Variants in CEP295 observed in about 807,000 individuals in gnomAD.
CEP295 encodes the protein centrosomal protein of 295 kDa.
In CEP295, 190 loss-of-function variants were observed where a neutral mutation model predicts 291.6. The observed-to-expected ratio is 0.65, with a 90% CI of 0.58 to 0.73. CEP295 has a LOEUF of 0.73. Ranked by LOEUF, CEP295 falls within the 30% of genes least tolerant of loss-of-function variation. The pLI, the probability that CEP295 is intolerant of heterozygous loss-of-function variation, is 0.00. For missense variants in CEP295, 2,863 were observed against 2,949.4 expected (o/e 0.97, Z 0.68); for synonymous variants, 993 against 1,038.8 (o/e 0.96, Z 0.85).
intron 10 of CEP295, among the ~76,000 whole-genome samples, chr11:93,689,497 GTATT>G (rs1951411011): frequency 1.3e-5 from 2 of 152,032 alleles, no homozygotes; most frequent in Admixed American, 1.3e-4. Flanking sequence ...TTTTTCTTGG[GTATT>G]TCCTTGACTC....
chr11:93,729,974 G>A lies in CEP295; in HGVS notation c.7667+5G>A, dbSNP rs1248543429. The A allele has an allele frequency of 2.7e-6, 4 of 1,495,188 alleles. No homozygotes were observed. The highest frequency in any genetic ancestry group is 3.6e-6 in the Non-Finnish European group (4 of 1,120,004). 92.6% of individuals were successfully genotyped at this position (1,495,188 alleles called of 1,614,324 possible). ...AAGGCACCAAAGGGGTCTAAGGTAG[G>A]GTTAATTTTTTTTTTTTTTTTAGTG... On this transcript the variant is annotated splice_donor_5th_base_variant and intron_variant, in intron 28 of 29. Coordinates refer to ENST00000325212, the MANE Select transcript of CEP295 (RefSeq NM_033395.2).
Position 93,729,622 on chromosome 11 carries a change from C to T in CEP295, c.7408C>T (p.Arg2470Cys), listed in dbSNP as rs201958352. 77 of 1,550,202 alleles carry T rather than the reference C, an allele frequency of 5.0e-5. No homozygotes were observed. In the Admixed American group the frequency reaches 9.5e-4, roughly 19 times the overall value. The part of the protein sequence containing the change: ...KPRTASTETP[R>C]RLTPVPGSLQ... ...TTCTTTTCCCCCAGCAGAAACCCCT[C>T]GCAGGCTTACACCTGTACCAGGGAG... is the stretch of plus-strand genomic sequence containing the variant. The change falls in exon 27 of 30, where the codon CGC becomes TGC. Residue 2470 changes from arginine to cysteine, a missense_variant. Coordinates refer to ENST00000325212, the MANE Select transcript of CEP295 (RefSeq NM_033395.2).
chr11:93,697,995 G>A lies in CEP295; in HGVS notation c.3083G>A (p.Gly1028Glu). 2.6e-6 allele frequency: 4 copies of A among 1,551,680 alleles called. No individual in the cohort carries two copies. The highest frequency in any genetic ancestry group is 3.5e-6 in the Non-Finnish European group (4 of 1,146,974). The change falls in exon 15 of 30, where the codon GGA (glycine) becomes GAA (glutamate). Residue 1028 changes from glycine to glutamate, a missense_variant. Transcript: ENST00000325212. Reference protein sequence around the residue: ...QEQHSSKSEKGLVSCQSDIPI... With the variant: ...QEQHSSKSEKELVSCQSDIPI... ...CAACATTCATCTAAGAGCGAGAAAG[G>A]ACTTGTTTCATGCCAATCTGACATC...
At chr11:93,700,924 A>G (rs1952117401) in intron 15 of CEP295, among the ~76,000 whole-genome samples, 1 of 152,176 alleles carries the variant, frequency 6.6e-6, no homozygotes, top group Non-Finnish European at 1.5e-5. Context: ...TTGTTGTAAA[A>G]CGGGCATGAT....
chr11:93,677,489 C>A (rs538507674), intron 6 of CEP295, among the ~76,000 whole-genome samples: 24 of 152,266 alleles, frequency 1.6e-4, no homozygotes, highest in African/African-American at 5.8e-4. Flanking sequence ...GTCCTACTTA[C>A]AGCCAGTAAT....
In CEP295 at chr11:93,702,906, A is replaced by G. The variant is rs1164068651; in HGVS notation, c.5583A>G (p.Arg1861=). 1.3e-6 allele frequency: 2 copies of G among 1,550,432 alleles called. No homozygotes were observed. Among genetic ancestry groups the G allele is most frequent in the Admixed American group, 2.0e-5 (1 of 50,720 alleles). Reference sequence around the variant, plus strand: ...AAGTAGAGTCACCAGCAATTGGCAGAACTTCTATACTAGGTAAATAGATGC... The same window carrying G: ...AAGTAGAGTCACCAGCAATTGGCAGGACTTCTATACTAGGTAAATAGATGC... ...IQEVESPAIG[R]TSILGKPGIY... The change falls in exon 17 of 30, where the codon AGA becomes AGG. Residue 1861 remains arginine (R), a synonymous_variant. Coordinates refer to ENST00000325212, the MANE Select transcript of CEP295 (RefSeq NM_033395.2).
chr11:93,662,643 A>G (rs1055794241), intron 1 of CEP295, among the ~76,000 whole-genome samples: 2 of 152,232 alleles, frequency 1.3e-5, no homozygotes, highest in Non-Finnish European at 2.9e-5. Flanking sequence ...TTACAGCAGG[A>G]TTCCGATTGA....
At chr11:93,719,231 GTTTTTTTTTTCCGGGTTTT>G (rs941953942) in intron 18 of CEP295, among the ~76,000 whole-genome samples, 5 of 130,464 alleles carry the variant, frequency 3.8e-5, no homozygotes, top group Admixed American at 3.8e-4. Context: ...TGTGTGGGTT[GTTTTTTTTTTCCGGGTTTT>G]TTTTTTTTTT....
chr11:93,690,574 A>T (rs1156907840), intron 10 of CEP295, among the ~76,000 whole-genome samples: 1 of 149,958 alleles, frequency 6.7e-6, no homozygotes, highest in Non-Finnish European at 1.5e-5. Flanking sequence ...AAAAAAAAAA[A>T]AAAAAAAGTG....
intron 18 of CEP295, 138 bp from the exon 19 acceptor site, chr11:93,721,169 TAAGAC>T: frequency 1.6e-6 from 1 of 607,200 alleles, no homozygotes; most frequent in Non-Finnish European, 3.0e-6. Context: ...TTCTTTGATC[TAAGAC>T]AAGACAACTT....
chr11:93,696,826 G>T lies in CEP295; in HGVS notation c.1914G>T (p.Pro638=), dbSNP rs1160735085. ...TGCCATCATGGAAATCTGAGAGACC[G>T]ACTGCTATATCAGAGCATTGGGATC... ...ISVPSWKSER[P]TAISEHWDQG... Residue 638 remains proline, a synonymous_variant, in exon 15 of 30, where the codon CCG becomes CCT. Coordinates refer to ENST00000325212, the MANE Select transcript of CEP295 (RefSeq NM_033395.2). The T allele has an allele frequency of 3.2e-6, 5 of 1,551,490 alleles. No homozygotes were observed. In the East Asian group the frequency reaches 1.2e-4, roughly 38 times the overall value.
Position 93,697,063 on chromosome 11 carries a change from AAC to A in CEP295, c.2155_2156del (p.Gln719ThrfsTer5). The stretch of plus-strand genomic sequence containing the variant: ...ATCTAAGGCAATTCTCTCAGACTGA[AAC>A]ACAACAGAGAGACTATAAATTGGTC... ...EHLRQFSQTE[T>X]QQRDYKLVPK... On this transcript the variant is annotated frameshift_variant, in exon 15 of 30. Coordinates refer to ENST00000325212, the MANE Select transcript of CEP295 (RefSeq NM_033395.2). LOFTEE classifies it high-confidence loss of function. 6.4e-7 allele frequency: 1 copy of A among 1,551,650 alleles called. No individual in the cohort carries two copies. Among genetic ancestry groups the A allele is most frequent in the Non-Finnish European group, 8.7e-7 (1 of 1,147,000 alleles).
chr11:93,682,874 C>T lies in CEP295; in HGVS notation c.766-685C>T, dbSNP rs571823546. On this transcript the variant is annotated intron_variant, in intron 7 of 29. Coordinates refer to ENST00000325212, the MANE Select transcript of CEP295 (RefSeq NM_033395.2). ...CTGCAGTTTTTTTCTTACATGTACT[C>T]ATTCTCTTTCAGCCACTTTTGTCTG... Among the ~76,000 whole-genome samples the T allele has an allele frequency of 4.6e-5, 7 of 152,282 alleles. No individual in the cohort carries two copies. The East Asian group carries it at 5.8e-4, about 13-fold the overall frequency.
chr11:93,662,965 T>C (rs995077360), intron 1 of CEP295, among the ~76,000 whole-genome samples: 12 of 152,220 alleles, frequency 7.9e-5, no homozygotes, highest in African/African-American at 2.7e-4. Context: ...ATAACCTCAG[T>C]TTAATCACAT....
rs1951931568 is a variant in CEP295 at position 93,697,856 on chromosome 11, T to C, written c.2944T>C (p.Leu982=). Residue 982 remains leucine, a synonymous_variant, in exon 15 of 30, where the codon TTG becomes CTG. Coordinates refer to ENST00000325212, the MANE Select transcript of CEP295 (RefSeq NM_033395.2). The part of the protein sequence containing the change: ...EVLYVHKQSE[L]DRRVCSEQAE... ...ATTGTATGTACATAAACAGAGTGAATTGGATAGAAGAGTATGTTCCGAACA... is the reference window on the plus strand; with the variant it reads ...ATTGTATGTACATAAACAGAGTGAACTGGATAGAAGAGTATGTTCCGAACA... 2 of 1,551,668 alleles carry C rather than the reference T, an allele frequency of 1.3e-6. No homozygotes were observed. Among genetic ancestry groups the C allele is most frequent in the Non-Finnish European group, 8.7e-7 (1 of 1,146,972 alleles).
chr11:93,721,990 A>G lies in CEP295; in HGVS notation c.5887A>G (p.Thr1963Ala), dbSNP rs1479746287. The stretch of plus-strand genomic sequence containing the variant: ...GTCTTATGAACCATTATCTTCAGCA[A>G]CTGTTTCCACTGGGAGCCTTTTAAG... The part of the protein sequence containing the change: ...TLSYEPLSSA[T>A]VSTGSLLSYE... The change falls in exon 20 of 30, where the codon ACT (threonine) becomes GCT (alanine). Residue 1963 changes from threonine (T) to alanine (A), a missense_variant. Physicochemically the swap from Thr to Ala is moderately conservative, Grantham distance 58. Around this residue, in one of 3 missense-constraint regions of CEP295, gnomAD observed 2,295 missense variants for 2,335.7 expected, o/e 0.98. Coordinates refer to ENST00000325212, the MANE Select transcript of CEP295 (RefSeq NM_033395.2). 7.6e-6 allele frequency: 12 copies of G among 1,588,348 alleles called. No homozygotes were observed. The highest frequency in any genetic ancestry group is 1.8e-5 in the Admixed American group (1 of 55,564).
intron 19 of CEP295, 100 bp downstream of exon 19, chr11:93,721,512 T>C (rs1396247852): frequency 2.4e-6 from 2 of 847,528 alleles, no homozygotes; most frequent in African/African-American, 3.3e-5. Flanking sequence ...TTAAAGTCAG[T>C]GCTTTCTGAG....
intron 1 of CEP295, 133 bp downstream of exon 1, chr11:93,661,907 C>T (rs901350446): frequency 1.3e-5 from 2 of 152,740 alleles, no homozygotes; most frequent in African/African-American, 4.8e-5. Context: ...GTACGGCTCG[C>T]GTTTCTCAGG....
chr11:93,721,651 A>C, intron 19 of CEP295: 1 of 724,752 alleles, frequency 1.4e-6, no homozygotes. Context: ...GTAAAACAAT[A>C]AGGGCATATG....
Sources: allele counts gnomAD v4.1 joint callset (sites outside exome capture counted in the v4.1 genomes callset), GRCh38; gene constraint gnomAD v4.1.1; regional missense constraint gnomAD v4.1.1; transcripts MANE v1.5; gene names NCBI Gene and HGNC (gene_info 2026-07-23, HGNC 2026-07-21).